The following ATXN10 variants were observed in gnomAD, a reference collection of about 807,000 sequenced individuals.
ATXN10 encodes ataxin 10.
Under a neutral mutation model 52.9 loss-of-function variants are expected in ATXN10, and 28 were observed. The ratio of observed to expected loss-of-function variants is 0.53; its 90% CI spans 0.39 to 0.73. ATXN10 has a LOEUF of 0.73. Among genes scored for constraint, ATXN10 ranks in the 30% least tolerant of loss-of-function variants. ATXN10 has a pLI of 0.00. For missense variants in ATXN10, 565 were observed against 577.0 expected, an observed-to-expected ratio of 0.98 and a Z score of 0.21; for synonymous variants, 226 against 221.5, an observed-to-expected ratio of 1.02 and a Z score of -0.18.
intron 9 of ATXN10, among the ~76,000 whole-genome samples, chr22:45,749,555 T>G (rs1925866311): frequency 6.6e-6 from 1 of 152,146 alleles, no homozygotes; most frequent in African/African-American, 2.4e-5. Flanking sequence ...TCTTTTTTCT[T>G]TCCCTTTCTT....
intron 4 of ATXN10, 36 bp from the exon 5 acceptor site, chr22:45,702,653 A>C: frequency 6.2e-7 from 1 of 1,611,012 alleles, no homozygotes; most frequent in Non-Finnish European, 8.5e-7. Flanking sequence ...TCATGTTACT[A>C]AATTGGGCTA....
intron 1 of ATXN10, chr22:45,676,284 T>A (rs1472961587): frequency 6.6e-6 from 1 of 151,960 alleles, no homozygotes; most frequent in Non-Finnish European, 1.5e-5. Flanking sequence ...TGAGCCACCG[T>A]ACCTGGCTAG....
At chr22:45,749,546 CTTTTTTCTTTCCCTTTCT>C (rs921688280) in intron 9 of ATXN10, among the ~76,000 whole-genome samples, 2 of 152,144 alleles carry the variant, frequency 1.3e-5, no homozygotes, top group Admixed American at 6.6e-5. Flanking sequence ...AATGTAGTTT[CTTTTTTCTTTCCCTTTCT>C]TTTTTTCTTT....
intron 9 of ATXN10, among the ~76,000 whole-genome samples, chr22:45,801,299 G>A (rs898243195): frequency 2.0e-5 from 3 of 152,354 alleles, no homozygotes; most frequent in African/African-American, 7.2e-5. Context: ...GTGATTCTAA[G>A]TTGTAGCCTA....
intron 3 of ATXN10, among the ~76,000 whole-genome samples, chr22:45,693,741 T>C (rs1487409119): frequency 6.6e-6 from 1 of 152,138 alleles, no homozygotes; most frequent in Admixed American, 6.5e-5. Flanking sequence ...AATGAGGGTA[T>C]ATGACTGGTA....
chr22:45,806,301 C>T (rs917911811), intron 9 of ATXN10, among the ~76,000 whole-genome samples: 7 of 152,130 alleles, frequency 4.6e-5, no homozygotes, highest in South Asian at 2.1e-4. Context: ...CTTATGAGCA[C>T]GTTTGAACAT....
In ATXN10 at chr22:45,780,427, T is replaced by G. The variant is rs1263611568; in HGVS notation, c.1174-26532T>G. The stretch of plus-strand genomic sequence containing the variant: ...GAGCAGGGTGTGAAAGCCCCCTTGT[T>G]GCCTGTTTCAGAATTTATGCAGTGT... On this transcript the variant is annotated intron_variant, in intron 9 of 11. Transcript: ENST00000252934. The surrounding 1 kb of genome is among the most constrained non-coding windows in gnomAD (Gnocchi z 4.0). Among the ~76,000 whole-genome samples, 1 of 152,184 alleles carries G rather than the reference T, an allele frequency of 6.6e-6. No individual in the cohort carries two copies. The highest frequency in any genetic ancestry group is 6.5e-5 in the Admixed American group (1 of 15,288).
chr22:45,698,664 T>A (rs1361631563), intron 3 of ATXN10, among the ~76,000 whole-genome samples: 1 of 152,204 alleles, frequency 6.6e-6, no homozygotes, highest in Non-Finnish European at 1.5e-5. Context: ...ATAGCTTGTG[T>A]TTCGCCACAG....
chr22:45,723,642 T>A (rs757368491), intron 6 of ATXN10, among the ~76,000 whole-genome samples: 2 of 152,136 alleles, frequency 1.3e-5, no homozygotes, highest in Non-Finnish European at 2.9e-5. Context: ...ATTTTTCCAT[T>A]TCTGAGTTCT....
intron 9 of ATXN10, among the ~76,000 whole-genome samples, chr22:45,782,645 T>C: frequency 6.6e-6 from 1 of 152,170 alleles, no homozygotes; most frequent in Admixed American, 6.5e-5. Flanking sequence ...CAAGGGAGTC[T>C]CTGGTGCTGG....
At position 45,819,330 on chromosome 22, in the gene ATXN10, C is replaced by G. The variant is rs1481070496; in HGVS notation, c.1237+12308C>G. ...GATCAGATCATAAGCCTAAAGTAGC[C>G]TAAAGTATCAGCTCAAAATCCACAT... On this transcript the variant is annotated intron_variant, in intron 10 of 11. Transcript: ENST00000252934. This position sits in a 1 kb window ranked among gnomAD's most constrained non-coding sequence, Gnocchi z 4.5. Among the ~76,000 whole-genome samples, 1 of 152,080 alleles carries G rather than the reference C, an allele frequency of 6.6e-6. No individual in the cohort carries two copies. Among genetic ancestry groups the G allele is most frequent in the African/African-American group, 2.4e-5 (1 of 41,392 alleles).
intron 9 of ATXN10, among the ~76,000 whole-genome samples, chr22:45,778,635 T>C (rs1927043131): frequency 6.6e-6 from 1 of 152,192 alleles, no homozygotes; most frequent in South Asian, 2.1e-4. Flanking sequence ...TCTGGTACAA[T>C]TAGCCTAAAA....
At chr22:45,814,462 A>G (rs922148931) in intron 10 of ATXN10, among the ~76,000 whole-genome samples, 1 of 152,220 alleles carries the variant, frequency 6.6e-6, no homozygotes, top group African/African-American at 2.4e-5. Flanking sequence ...AAGCCCCAAC[A>G]ATACTCAGTG....
intron 5 of ATXN10, chr22:45,704,213 A>G (rs1923950873): frequency 6.6e-6 from 1 of 150,718 alleles, no homozygotes; most frequent in Admixed American, 6.6e-5. Flanking sequence ...TTTTGAAATC[A>G]GGAAGTGTGA....
Position 45,700,270 on chromosome 22 carries a change from A to T in ATXN10, c.392-12A>T. Reference sequence around the variant, plus strand: ...ATTTATTTATTTATTTATAACTTTTATATATTCTTAGCTTTTCGCTGTGGC... The same window carrying T: ...ATTTATTTATTTATTTATAACTTTTTTATATTCTTAGCTTTTCGCTGTGGC... On this transcript the variant is annotated splice_polypyrimidine_tract_variant and intron_variant, in intron 3 of 11. Transcript: ENST00000252934. 6.4e-7 allele frequency: 1 copy of T among 1,558,296 alleles called. No homozygotes were observed. The highest frequency in any genetic ancestry group is 8.8e-7 in the Non-Finnish European group (1 of 1,132,184).
intron 2 of ATXN10, 84 bp from the exon 3 acceptor site, chr22:45,692,912 C>A: frequency 9.1e-7 from 1 of 1,095,206 alleles, no homozygotes; most frequent in Non-Finnish European, 1.4e-6. Context: ...GATTTCTCAG[C>A]TCTCCCATTG....
rs1445073232 is a variant in ATXN10, at chr22:45,769,084, G to A, written c.1173+28546G>A. On this transcript the variant is annotated intron_variant, in intron 9 of 11. Coordinates refer to ENST00000252934, the MANE Select transcript of ATXN10 (RefSeq NM_013236.4). This position sits in a 1 kb window ranked among gnomAD's most constrained non-coding sequence, Gnocchi z 4.2. The stretch of plus-strand genomic sequence containing the variant: ...GTTTCTGAAGCCGAATGTTGGGTGT[G>A]TGAGTATGTATTATACCTCCCTCTC... 1.3e-5 allele frequency among the ~76,000 whole-genome samples: 2 copies of A among 151,982 alleles called. No individual in the cohort carries two copies. The highest frequency in any genetic ancestry group is 1.3e-4 in the Admixed American group (2 of 15,258).
In ATXN10 at chr22:45,840,073, A is replaced by G. The variant is rs550266971; in HGVS notation, c.1238-2918A>G. 6.6e-6 allele frequency among the ~76,000 whole-genome samples: 1 copy of G among 152,306 alleles called. No individual in the cohort carries two copies. Among genetic ancestry groups the G allele is most frequent in the Admixed American group, 6.5e-5 (1 of 15,310 alleles). Reference sequence around the variant, plus strand: ...TTAGAGTATACAGAAATACAAACAAACAGTCATAGCTTACATAATTTCAAT... The same window carrying G: ...TTAGAGTATACAGAAATACAAACAAGCAGTCATAGCTTACATAATTTCAAT... On this transcript the variant is annotated intron_variant, in intron 10 of 11. Coordinates refer to ENST00000252934, the MANE Select transcript of ATXN10 (RefSeq NM_013236.4). The surrounding 1 kb of genome is among the most constrained non-coding windows in gnomAD (Gnocchi z 5.8).
rs150604570 is a variant in ATXN10 at position 45,740,449 on chromosome 22, G to A, written c.1084G>A (p.Asp362Asn). 75 of 1,613,788 alleles carry A rather than the reference G, an allele frequency of 4.6e-5. No homozygotes were observed. The highest frequency in any genetic ancestry group is 5.0e-5 in the Non-Finnish European group (59 of 1,179,924). ...TTGTGGTTGCGTGAGAGCAGAAGGT[G>A]ACATCTCCAATGTGGCCAATGGGTT... ...SNCGCVRAEG[D>N]ISNVANGFKS... is the part of the protein sequence containing the mutation. The change falls in exon 9 of 12, where the codon GAC (aspartate) becomes AAC (asparagine). Residue 362 changes from aspartate to asparagine, a missense_variant. Physicochemically the swap from Asp to Asn is conservative, Grantham distance 23 (BLOSUM62 1). Transcript: ENST00000252934.
Sources: gnomAD v4.1 joint callset for allele counts (sites outside exome capture counted in the v4.1 genomes callset) on GRCh38, gnomAD v4.1.1 for gene constraint, Gnocchi (gnomAD v3.1) non-coding constraint, MANE v1.5 for transcripts, NCBI Gene and HGNC (gene_info 2026-07-23, HGNC 2026-07-21) for gene names.